The following PTPRS variants were observed in gnomAD, a reference collection of about 807,000 sequenced individuals.
The protein encoded by PTPRS is protein tyrosine phosphatase receptor type S, also known as receptor-type tyrosine-protein phosphatase S.
In PTPRS, 63 loss-of-function variants were observed where a neutral mutation model predicts 215.3. That is an observed-to-expected ratio of 0.29 (90% confidence interval 0.24 to 0.36). The LOEUF is 0.36. Among genes scored for constraint, PTPRS ranks in the 10% least tolerant of loss-of-function variants. PTPRS has a pLI of 1.00. For missense variants in PTPRS, 2,258 were observed against 2,825.8 expected, an observed-to-expected ratio of 0.80 and a Z score of 4.56; for synonymous variants, 1,404 against 1,191.4, an observed-to-expected ratio of 1.18 and a Z score of -3.68.
intron 5 of PTPRS, among the ~76,000 whole-genome samples, chr19:5,263,478 G>T (rs922324443): frequency 1.3e-5 from 2 of 152,148 alleles, no homozygotes; most frequent in Non-Finnish European, 2.9e-5. Context: ...GATGATTCGG[G>T]GAGGTACTGC....
At chr19:5,303,718 G>A (rs1268127845) in intron 1 of PTPRS, among the ~76,000 whole-genome samples, 1 of 152,086 alleles carries the variant, frequency 6.6e-6, no homozygotes, top group African/African-American at 2.4e-5. Context: ...GGGAGACCAA[G>A]GCAGGTGGAT....
intron 1 of PTPRS, 136 bp from the exon 2 acceptor site, chr19:5,286,370 TG>T (rs1481973755): frequency 5.4e-6 from 3 of 555,138 alleles, no homozygotes; most frequent in African/African-American, 3.8e-5. Context: ...GGAAGGATCA[TG>T]GGGTGATGGG....
At chr19:5,238,748 G>A (rs2043707315) in intron 13 of PTPRS, among the ~76,000 whole-genome samples, 171 bp downstream of exon 13, 1 of 152,238 alleles carries the variant, frequency 6.6e-6, no homozygotes, top group African/African-American at 2.4e-5. Context: ...TGGGGATACT[G>A]AGGCACAGCG....
chr19:5,215,757 C>T (rs1236744739), intron 26 of PTPRS, among the ~76,000 whole-genome samples, 162 bp from the exon 27 acceptor site: 2 of 152,050 alleles, frequency 1.3e-5, no homozygotes, highest in Non-Finnish European at 2.9e-5. Context: ...CAGGGTGGCT[C>T]ATGAAGGGGC....
rs1358862287 is a variant in PTPRS, at chr19:5,210,421, A to G, written c.5487+48T>C. 3.1e-6 allele frequency: 5 copies of G among 1,612,396 alleles called. No individual in the cohort carries two copies. The highest frequency in any genetic ancestry group is 3.4e-6 in the Non-Finnish European group (4 of 1,179,162). ...ATCACCAACCAGGGCAGCCCTTTCC[A>G]GATCACTAAGGCTCCAGCCCCTCCC... On this transcript the variant is annotated intron_variant, in intron 35 of 37. Coordinates refer to ENST00000262963, the MANE Select transcript of PTPRS (RefSeq NM_002850.4). The surrounding 1 kb of genome is among the most constrained non-coding windows in gnomAD (Gnocchi z 4.5).
chr19:5,231,863 G>C (rs2043048633), intron 13 of PTPRS, among the ~76,000 whole-genome samples: 1 of 152,200 alleles, frequency 6.6e-6, no homozygotes, highest in African/African-American at 2.4e-5. Flanking sequence ...TGCTCACCAG[G>C]CTGCACCTAC....
chr19:5,335,803 G>C (rs1335961614), intron 1 of PTPRS, among the ~76,000 whole-genome samples: 1 of 152,140 alleles, frequency 6.6e-6, no homozygotes, highest in Non-Finnish European at 1.5e-5. Context: ...GGATCCGCGG[G>C]AATCAGAAGG....
At chr19:5,300,525 C>G (rs1411961106) in intron 1 of PTPRS, among the ~76,000 whole-genome samples, 1 of 151,826 alleles carries the variant, frequency 6.6e-6, no homozygotes, top group Non-Finnish European at 1.5e-5. Flanking sequence ...AATCCCAACA[C>G]TTTGGGAGGC....
At position 5,210,810 on chromosome 19, in the gene PTPRS, A is replaced by G; in HGVS notation, c.5235-5T>C. The G allele has an allele frequency of 2.5e-6, 4 of 1,613,150 alleles. No individual in the cohort carries two copies. Among genetic ancestry groups the G allele is most frequent in the Non-Finnish European group, 3.4e-6 (4 of 1,179,930 alleles). On this transcript the variant is annotated splice_polypyrimidine_tract_variant and splice_region_variant and intron_variant, in intron 33 of 37. Coordinates refer to ENST00000262963, the MANE Select transcript of PTPRS (RefSeq NM_002850.4). This position sits in a 1 kb window ranked among gnomAD's most constrained non-coding sequence, Gnocchi z 4.5. ...GCGATGTAGGCCTTCTGCTGCCTGCAGGCGTTGGGGGTATGAGCCCAGGGC... is the reference window on the plus strand; with the variant it reads ...GCGATGTAGGCCTTCTGCTGCCTGCGGGCGTTGGGGGTATGAGCCCAGGGC...
intron 1 of PTPRS, among the ~76,000 whole-genome samples, chr19:5,337,055 G>C (rs1417120950): frequency 6.6e-6 from 1 of 152,258 alleles, no homozygotes; most frequent in East Asian, 1.9e-4. Flanking sequence ...TCCCAGAAGG[G>C]GGCTACAGCG....
rs1338995814 is a variant in PTPRS at position 5,274,302 on chromosome 19, A to G, written c.134T>C (p.Val45Ala). The change falls in exon 3 of 38, where the codon GTG becomes GCG. Residue 45 changes from valine to alanine, a missense_variant. Coordinates refer to ENST00000262963, the MANE Select transcript of PTPRS (RefSeq NM_002850.4). ...FIKEPKDQIG[V>A]SGGVASFVCQ... Reference sequence around the variant, plus strand: ...CACGAAAGAGGCCACACCCCCCGACACGCCGATCTGGTCCTTGGGTTCTTT... The same window carrying G: ...CACGAAAGAGGCCACACCCCCCGACGCGCCGATCTGGTCCTTGGGTTCTTT... 2 of 1,548,672 alleles carry G rather than the reference A, an allele frequency of 1.3e-6. No individual in the cohort carries two copies. Among genetic ancestry groups the G allele is most frequent in the Non-Finnish European group, 1.8e-6 (2 of 1,140,922 alleles).
At chr19:5,322,675 T>C (rs1380878314) in intron 1 of PTPRS, among the ~76,000 whole-genome samples, 2 of 151,248 alleles carry the variant, frequency 1.3e-5, no homozygotes, top group South Asian at 2.1e-4. Context: ...AGGCAGGGAG[T>C]TCGAGACCAG....
intron 20 of PTPRS, 101 bp downstream of exon 20, chr19:5,220,899 A>T: frequency 7.2e-7 from 1 of 1,383,648 alleles, no homozygotes; most frequent in Non-Finnish European, 9.9e-7. Context: ...TGTGTTTCAT[A>T]GGCAAGGAAA....
At chr19:5,335,908 A>G (rs559104026) in intron 1 of PTPRS, among the ~76,000 whole-genome samples, 1 of 152,016 alleles carries the variant, frequency 6.6e-6, no homozygotes, top group South Asian at 2.1e-4. Flanking sequence ...ATTCCGGGGA[A>G]CAGAAGAGGG....
chr19:5,304,356 T>G (rs1200104965), intron 1 of PTPRS, among the ~76,000 whole-genome samples: 7 of 152,138 alleles, frequency 4.6e-5, no homozygotes, highest in African/African-American at 1.7e-4. Flanking sequence ...GGCATATGCC[T>G]GTAATCCCAG....
At chr19:5,335,306 G>A (rs766177012) in intron 1 of PTPRS, among the ~76,000 whole-genome samples, 9 of 152,338 alleles carry the variant, frequency 5.9e-5, no homozygotes, top group South Asian at 4.1e-4. Context: ...GGCTCGCCGC[G>A]ACGCAGACTG....
intron 1 of PTPRS, among the ~76,000 whole-genome samples, chr19:5,309,721 G>A (rs2049631488): frequency 6.6e-6 from 1 of 152,086 alleles, no homozygotes; most frequent in African/African-American, 2.4e-5. Context: ...ACCCTACCCT[G>A]CAGCCAACCA....
rs2044290162 is a variant in PTPRS, at chr19:5,244,287, T to C, written c.1184A>G (p.Asn395Ser). 1 of 1,614,190 alleles carries C rather than the reference T, an allele frequency of 6.2e-7. No individual in the cohort carries two copies. The highest frequency in any genetic ancestry group is 1.3e-5 in the African/African-American group (1 of 75,064). Residue 395 changes from asparagine (N) to serine (S), a missense_variant, in exon 11 of 38, where the codon AAC becomes AGC. Around this residue, in one of 6 missense-constraint regions of PTPRS, gnomAD observed 508 missense variants for 799.4 expected, o/e 0.64. Transcript: ENST00000262963. This position sits in a 1 kb window ranked among gnomAD's most constrained non-coding sequence, Gnocchi z 7.2. ...CGACACCCAGATCTCGTACTCCGAG[T>C]TGGGGCTCAGGCCGCCGATGCTGTA... ...TRYSIGGLSP[N>S]SEYEIWVSAV... is the part of the protein sequence containing the mutation.
At chr19:5,303,542 G>A (rs1038989505) in intron 1 of PTPRS, among the ~76,000 whole-genome samples, 1 of 152,098 alleles carries the variant, frequency 6.6e-6, no homozygotes, top group Admixed American at 6.6e-5. Flanking sequence ...ACGTGTAAAG[G>A]CCCCGAGGTG....
Sources: allele counts gnomAD v4.1 joint callset (sites outside exome capture counted in the v4.1 genomes callset), GRCh38; gene constraint gnomAD v4.1.1; regional missense constraint gnomAD v4.1.1; non-coding constraint Gnocchi (gnomAD v3.1); transcripts MANE v1.5; gene names NCBI Gene and HGNC (gene_info 2026-07-23, HGNC 2026-07-21).